Variants in LMBRD1 observed in about 807,000 individuals in gnomAD.
LMBRD1 encodes the protein LMBR1 domain containing 1, also known as lysosomal cobalamin transport escort protein LMBD1.
In LMBRD1, 64 loss-of-function variants were observed where a neutral mutation model predicts 74.8. The observed-to-expected ratio is 0.86, with a 90% CI of 0.70 to 1.05. LMBRD1 has a LOEUF of 1.05. Among genes scored for constraint, LMBRD1 ranks in the 50% least tolerant of loss-of-function variants. The pLI is 0.00. For synonymous variants in LMBRD1, 204 were observed against 216.3 expected, an observed-to-expected ratio of 0.94 and a Z score of 0.50; for missense variants, 652 against 645.9, an observed-to-expected ratio of 1.01 and a Z score of -0.10.
At chr6:69,718,445 T>C (rs949926074) in intron 8 of LMBRD1, among the ~76,000 whole-genome samples, 5 of 152,144 alleles carry the variant, frequency 3.3e-5, no homozygotes, top group Admixed American at 6.5e-5. Flanking sequence ...AATATAGACA[T>C]GGTTTTGTAA....
intron 7 of LMBRD1, among the ~76,000 whole-genome samples, chr6:69,725,179 A>G (rs1766700311): frequency 6.6e-6 from 1 of 152,152 alleles, no homozygotes; most frequent in South Asian, 2.1e-4. Flanking sequence ...GATCACTGCA[A>G]TGAAAACTAT....
At chr6:69,745,291 G>A (rs1301789116) in intron 5 of LMBRD1, among the ~76,000 whole-genome samples, 16 of 137,908 alleles carry the variant, frequency 1.2e-4, no homozygotes, top group African/African-American at 3.8e-4. Flanking sequence ...TCGCTCTGTC[G>A]CCCAGGTCGG....
intron 3 of LMBRD1, among the ~76,000 whole-genome samples, chr6:69,761,869 T>G (rs1371716240): frequency 2.0e-5 from 3 of 152,342 alleles, no homozygotes; most frequent in East Asian, 3.9e-4. Flanking sequence ...TCATTTTATA[T>G]GCATAGAATT....
At chr6:69,718,857 TAA>T in intron 8 of LMBRD1, 97 bp downstream of exon 8, 1 of 1,322,396 alleles carries the variant, frequency 7.6e-7, no homozygotes, top group Non-Finnish European at 1.1e-6. Flanking sequence ...TCAAACAATG[TAA>T]AAAGTTATGG....
Position 69,676,275 on chromosome 6 carries a change from TA to T in LMBRD1, c.1510-5del. 1 of 1,611,554 alleles carries T rather than the reference TA, an allele frequency of 6.2e-7. No individual in the cohort carries two copies. Among genetic ancestry groups the T allele is most frequent in the Non-Finnish European group, 8.5e-7 (1 of 1,178,506 alleles). Reference sequence around the variant, plus strand: ...CAATTAATCCAATCAAAAATACCTGTAAATTTAAATAAGCCATGTGTTATTT... The same window carrying T: ...CAATTAATCCAATCAAAAATACCTGTAATTTAAATAAGCCATGTGTTATTT... On this transcript the variant is annotated splice_polypyrimidine_tract_variant and splice_region_variant and intron_variant, in intron 15 of 15. Transcript: ENST00000649934.
intron 12 of LMBRD1, 60 bp from the exon 13 acceptor site, chr6:69,699,252 C>A (rs1401274398): frequency 2.8e-6 from 4 of 1,434,058 alleles, no homozygotes; most frequent in African/African-American, 1.4e-5. Context: ...GCATTAAATC[C>A]TTTTCTTGTG....
intron 14 of LMBRD1, among the ~76,000 whole-genome samples, chr6:69,688,544 A>T (rs1765814230): frequency 6.6e-6 from 1 of 152,032 alleles, no homozygotes; most frequent in East Asian, 1.9e-4. Flanking sequence ...TAAGAATTTA[A>T]TTTTTTAAAA....
At chr6:69,722,110 C>A (rs1256834391) in intron 7 of LMBRD1, among the ~76,000 whole-genome samples, 1 of 152,138 alleles carries the variant, frequency 6.6e-6, no homozygotes, top group Non-Finnish European at 1.5e-5. Flanking sequence ...TCAGTAGAAA[C>A]CTTACAGGCC....
At chr6:69,785,258 G>T (rs940436263) in intron 2 of LMBRD1, among the ~76,000 whole-genome samples, 2 of 152,082 alleles carry the variant, frequency 1.3e-5, no homozygotes, top group South Asian at 2.1e-4. Flanking sequence ...CCTTCTACAC[G>T]ATAGAGAACT....
intron 2 of LMBRD1, among the ~76,000 whole-genome samples, chr6:69,787,269 C>T (rs1161541287): frequency 6.6e-6 from 1 of 152,078 alleles, no homozygotes; most frequent in African/African-American, 2.4e-5. Flanking sequence ...TTTTGAGAGT[C>T]AGCAAATAGT....
intron 8 of LMBRD1, among the ~76,000 whole-genome samples, chr6:69,715,105 T>C (rs138804545): frequency 2.4e-4 from 36 of 152,226 alleles, no homozygotes; most frequent in African/African-American, 8.4e-4. Flanking sequence ...AGAGGGATTT[T>C]CTGAAGATCA....
intron 14 of LMBRD1, among the ~76,000 whole-genome samples, chr6:69,690,057 ATTCAT>A (rs771007282): frequency 2.0e-3 from 165 of 82,930 alleles, no homozygotes; most frequent in East Asian, 8.5e-3. Context: ...TCACTCATTC[ATTCAT>A]TTTTTTTTTT....
At chr6:69,753,559 TA>T (rs1765208921) in intron 3 of LMBRD1, among the ~76,000 whole-genome samples, 2 of 152,336 alleles carry the variant, frequency 1.3e-5, no homozygotes, top group South Asian at 4.1e-4. Context: ...TGGCATTACA[TA>T]TGATCCAGCA....
At chr6:69,683,945 GCA>G (rs769339068) in intron 14 of LMBRD1, among the ~76,000 whole-genome samples, 1 of 152,018 alleles carries the variant, frequency 6.6e-6, no homozygotes, top group Non-Finnish European at 1.5e-5. Flanking sequence ...CCAGATGCAT[GCA>G]CAGAGTTACC....
intron 2 of LMBRD1, among the ~76,000 whole-genome samples, chr6:69,781,222 A>T (rs1475201494): frequency 6.6e-6 from 1 of 152,228 alleles, no homozygotes; most frequent in Admixed American, 6.5e-5. Flanking sequence ...AAGCTTAGAA[A>T]ATATAATTCA....
chr6:69,730,857 C>G (rs1006717713), intron 7 of LMBRD1, among the ~76,000 whole-genome samples: 8 of 152,066 alleles, frequency 5.3e-5, no homozygotes, highest in Non-Finnish European at 1.2e-4. Context: ...AAAAGAGAAG[C>G]ATTTTTCTGC....
At chr6:69,773,331 C>A (rs1033779004) in intron 3 of LMBRD1, among the ~76,000 whole-genome samples, 1 of 152,112 alleles carries the variant, frequency 6.6e-6, no homozygotes, top group Non-Finnish European at 1.5e-5. Flanking sequence ...AACTTCCCAG[C>A]CTCCAGAACT....
intron 5 of LMBRD1, among the ~76,000 whole-genome samples, chr6:69,743,936 A>G (rs1442541845): frequency 2.0e-5 from 3 of 152,206 alleles, no homozygotes; most frequent in Non-Finnish European, 2.9e-5. Flanking sequence ...ACCACTGTTC[A>G]TTGACCAAAT....
chr6:69,784,712 A>G (rs1208570870), intron 2 of LMBRD1, among the ~76,000 whole-genome samples: 1 of 152,144 alleles, frequency 6.6e-6, no homozygotes, highest in East Asian at 1.9e-4. Context: ...ACATATCTCC[A>G]TTTGTATCCA....
Sources: gnomAD v4.1 joint callset for allele counts (sites outside exome capture counted in the v4.1 genomes callset) on GRCh38, gnomAD v4.1.1 for gene constraint, MANE v1.5 for transcripts, NCBI Gene and HGNC (gene_info 2026-07-23, HGNC 2026-07-21) for gene names.